The following COL27A1 variants were observed in gnomAD, a reference collection of about 807,000 sequenced individuals.
The protein encoded by COL27A1 is collagen alpha-1(XXVII) chain.
A neutral mutation model predicts 251.3 loss-of-function variants in COL27A1; 106 were observed. That is an observed-to-expected ratio of 0.42 (90% CI 0.36 to 0.50). COL27A1 has a LOEUF of 0.50. Among genes scored for constraint, COL27A1 ranks in the 20% least tolerant of loss-of-function variants. The pLI is 0.00. For synonymous variants in COL27A1, 1,000 were observed against 986.3 expected (o/e 1.01, Z -0.26); for missense variants, 2,325 against 2,522.8 (o/e 0.92, Z 1.68).
chr9:114,226,869 G>A (rs1261990747), intron 14 of COL27A1, among the ~76,000 whole-genome samples: 1 of 152,196 alleles, frequency 6.6e-6, no homozygotes, highest in East Asian at 1.9e-4. Context: ...ACAGGTGGTG[G>A]CCCCATAGGC....
rs551375146 is a variant in COL27A1 at position 114,212,741 on chromosome 9, C to T, written c.2367+1715C>T. Among the ~76,000 whole-genome samples the T allele has an allele frequency of 5.1e-4, 77 of 151,170 alleles. 1 individual carries two copies. In the South Asian group the frequency reaches 0.012, roughly 24 times the overall value. On this transcript the variant is annotated intron_variant, in intron 12 of 60. Transcript: ENST00000356083. Reference sequence around the variant, plus strand: ...GAGAAATGGGGACAATAGTATGGCTCATAAGACCATTGTGCTTGTCACATA... The same window carrying T: ...GAGAAATGGGGACAATAGTATGGCTTATAAGACCATTGTGCTTGTCACATA...
intron 16 of COL27A1, among the ~76,000 whole-genome samples, chr9:114,234,512 T>C (rs1832215925): frequency 6.6e-6 from 1 of 151,938 alleles, no homozygotes; most frequent in Non-Finnish European, 1.5e-5. Context: ...GAGGGCTGGA[T>C]AGAGTGAGGC....
In COL27A1 at chr9:114,265,166, G is replaced by A. The variant is rs1834649908; in HGVS notation, c.3339+56G>A. The A allele has an allele frequency of 5.8e-6, 3 of 513,734 alleles. 1 individual carries two copies. The highest frequency in any genetic ancestry group is 5.0e-5 in the South Asian group (3 of 59,820). 31.8% of individuals were successfully genotyped at this position (513,734 alleles called of 1,614,324 possible). On this transcript the variant is annotated intron_variant, in intron 31 of 60. Coordinates refer to ENST00000356083, the MANE Select transcript of COL27A1 (RefSeq NM_032888.4). ...CATGGGGCTTTTGATGGGGGTGGGGGGCGGGTGCGGTGCTGATAATAACCA... is the reference window on the plus strand; with the variant it reads ...CATGGGGCTTTTGATGGGGGTGGGGAGCGGGTGCGGTGCTGATAATAACCA...
At chr9:114,227,440 G>C (rs565375429) in intron 14 of COL27A1, among the ~76,000 whole-genome samples, 1 of 151,366 alleles carries the variant, frequency 6.6e-6, no homozygotes, top group Admixed American at 6.6e-5. Flanking sequence ...TTTATTGCTC[G>C]ATCTCAGGCA....
At chr9:114,246,166 T>C in intron 24 of COL27A1, 2 of 434,096 alleles carry the variant, frequency 4.6e-6, no homozygotes, top group Non-Finnish European at 8.1e-6. Context: ...AGGTTTTTGG[T>C]GCATTTGCCC....
intron 48 of COL27A1, among the ~76,000 whole-genome samples, chr9:114,291,719 A>G (rs895173419): frequency 5.9e-5 from 9 of 152,228 alleles, no homozygotes; most frequent in Non-Finnish European, 1.0e-4. Flanking sequence ...ACTGCACTCC[A>G]GCCTGGGCGG....
chr9:114,273,715 C>G (rs56187009), intron 36 of COL27A1: 1 of 152,206 alleles, frequency 6.6e-6, no homozygotes, highest in African/African-American at 2.4e-5. Flanking sequence ...TCCAAGCCTG[C>G]TCTTCTCGCC....
At chr9:114,266,358 T>G (rs1834740546) in intron 32 of COL27A1, among the ~76,000 whole-genome samples, 1 of 151,540 alleles carries the variant, frequency 6.6e-6, no homozygotes, top group African/African-American at 2.4e-5. Flanking sequence ...GATAGGAGAG[T>G]GTGCAGCTGT....
At chr9:114,157,323 CAT>C (rs1848191534) in intron 1 of COL27A1, among the ~76,000 whole-genome samples, 1 of 152,176 alleles carries the variant, frequency 6.6e-6, no homozygotes, top group Non-Finnish European at 1.5e-5. Flanking sequence ...TGTCCTGCAT[CAT>C]GTGCGCTCTG....
intron 1 of COL27A1, among the ~76,000 whole-genome samples, chr9:114,160,573 C>A (rs1848432355): frequency 6.6e-6 from 1 of 150,722 alleles, no homozygotes; most frequent in Admixed American, 6.7e-5. Flanking sequence ...CATGGTGGCA[C>A]ATGCCTGTAA....
chr9:114,243,917 T>A (rs1441043662), intron 23 of COL27A1, among the ~76,000 whole-genome samples: 2 of 144,614 alleles, frequency 1.4e-5, no homozygotes, highest in African/African-American at 5.4e-5. Context: ...TTTCTGTTTT[T>A]TTCTTTCATT....
rs1394491444 is a variant in COL27A1 at position 114,289,225 on chromosome 9, C to T, written c.4153-17C>T. On this transcript the variant is annotated splice_polypyrimidine_tract_variant and intron_variant, in intron 44 of 60. Coordinates refer to ENST00000356083, the MANE Select transcript of COL27A1 (RefSeq NM_032888.4). ...GAATCCTGGGGCTGCCTTGCGTCAT[C>T]TCACCTTGGTTTGCAGGGGCATCCG... 5 of 1,554,758 alleles carry T rather than the reference C, an allele frequency of 3.2e-6. No homozygotes were observed. Among genetic ancestry groups the T allele is most frequent in the Non-Finnish European group, 4.4e-6 (5 of 1,148,154 alleles).
chr9:114,169,670 C>T (rs1484076167), intron 3 of COL27A1, among the ~76,000 whole-genome samples: 5 of 152,232 alleles, frequency 3.3e-5, no homozygotes, highest in Admixed American at 2.6e-4. Flanking sequence ...ATTCATGATC[C>T]GCTGGGACAG....
At chr9:114,206,721 T>C (rs28592718) in intron 10 of COL27A1, among the ~76,000 whole-genome samples, 16,123 of 152,212 alleles carry the variant, frequency 0.11, 2,113 homozygotes, top group African/African-American at 0.31. Flanking sequence ...GTGGGAATGC[T>C]GCCCAAGCCT....
Position 114,302,741 on chromosome 9 carries a change from A to AG in COL27A1, c.4872+633_4872+634insG, listed in dbSNP as rs1245199203. 2.0e-5 allele frequency among the ~76,000 whole-genome samples: 3 copies of AG among 149,696 alleles called. No homozygotes were observed. The East Asian group carries it at 5.9e-4, about 29-fold the overall frequency. ...ACAAAAAAAACAAAAAAAAAAAAAA[A>AG]CAAAGAGAGTCGGGCCAGGGGGGCA... On this transcript the variant is annotated intron_variant, in intron 56 of 60. Coordinates refer to ENST00000356083, the MANE Select transcript of COL27A1 (RefSeq NM_032888.4).
chr9:114,223,459 G>A (rs920752800), intron 14 of COL27A1, among the ~76,000 whole-genome samples: 1 of 152,198 alleles, frequency 6.6e-6, no homozygotes, highest in Non-Finnish European at 1.5e-5. Flanking sequence ...GCTCAGGTGA[G>A]TGGGAGCAGA....
At chr9:114,209,610 C>A in intron 10 of COL27A1, 65 bp from the exon 11 acceptor site, 1 of 1,459,102 alleles carries the variant, frequency 6.9e-7, no homozygotes, top group Non-Finnish European at 9.6e-7. Context: ...GGGTGGGCTG[C>A]GGCAGGTTGG....
chr9:114,159,110 T>A (rs1170487538), intron 1 of COL27A1, among the ~76,000 whole-genome samples: 1 of 152,220 alleles, frequency 6.6e-6, no homozygotes, highest in Non-Finnish European at 1.5e-5. Flanking sequence ...GCTGCATTTG[T>A]CAGGGAGAAT....
intron 45 of COL27A1, among the ~76,000 whole-genome samples, 191 bp downstream of exon 45, chr9:114,289,486 G>C (rs1462928932): frequency 1.3e-5 from 2 of 152,172 alleles, no homozygotes; most frequent in African/African-American, 4.8e-5. Flanking sequence ...GAGTGAGGAG[G>C]GACAATCAGC....
Sources: gnomAD v4.1 joint callset for allele counts (sites outside exome capture counted in the v4.1 genomes callset) on GRCh38, gnomAD v4.1.1 for gene constraint, MANE v1.5 for transcripts, NCBI Gene and HGNC (gene_info 2026-07-23, HGNC 2026-07-21) for gene names.